The following UNC5D variants were observed in gnomAD, a reference collection of about 807,000 sequenced individuals.
UNC5D encodes the protein netrin receptor UNC5D.
A neutral mutation model predicts 105.4 loss-of-function variants in UNC5D; 39 were observed. The observed-to-expected ratio is 0.37, with a 90% CI of 0.29 to 0.48. The LOEUF is 0.48. UNC5D is among the 20% of genes least tolerant of loss of function. The pLI, the probability that UNC5D is intolerant of heterozygous loss-of-function variation, is 0.98. For synonymous variants in UNC5D, 452 were observed against 450.4 expected (o/e 1.00, Z -0.04); for missense variants, 991 against 1,202.4 (o/e 0.82, Z 2.60).
chr8:35,249,268 G>T (rs1390631546), intron 1 of UNC5D, among the ~76,000 whole-genome samples: 2 of 149,154 alleles, frequency 1.3e-5, no homozygotes, highest in African/African-American at 4.9e-5. Flanking sequence ...ACTTTTAAAA[G>T]CTTTGGTGGC....
intron 1 of UNC5D, among the ~76,000 whole-genome samples, chr8:35,421,640 A>T (rs1805909532): frequency 6.6e-6 from 1 of 151,356 alleles, no homozygotes; most frequent in Non-Finnish European, 1.5e-5. Flanking sequence ...GTATTTGTAT[A>T]GTTGTAAAAT....
intron 16 of UNC5D, among the ~76,000 whole-genome samples, chr8:35,789,137 CTATATATATATATATATATATATATA>C (rs58201859): frequency 0.036 from 1,164 of 32,476 alleles, 93 homozygotes; most frequent in African/African-American, 0.067. Flanking sequence ...GGAGAAAAGA[CTATATATATATATATATATATATATA>C]TATATATATA....
intron 1 of UNC5D, among the ~76,000 whole-genome samples, chr8:35,530,249 G>A (rs1586060167): frequency 7.0e-6 from 1 of 142,868 alleles, no homozygotes; most frequent in South Asian, 2.4e-4. Context: ...AGAGTTTTTA[G>A]CATGAAGGGT....
intron 1 of UNC5D, among the ~76,000 whole-genome samples, chr8:35,302,005 G>A (rs914405705): frequency 6.6e-6 from 1 of 152,138 alleles, no homozygotes; most frequent in Non-Finnish European, 1.5e-5. Flanking sequence ...GAGATGAATT[G>A]TGAAATTTGG....
chr8:35,614,400 A>G (rs575719874), intron 4 of UNC5D, among the ~76,000 whole-genome samples: 109 of 152,344 alleles, frequency 7.2e-4, no homozygotes, highest in African/African-American at 2.5e-3. Flanking sequence ...GTTCTGAAGC[A>G]GTGGGCCTCA....
chr8:35,746,334 T>A (rs1830005951), intron 11 of UNC5D, among the ~76,000 whole-genome samples: 1 of 152,108 alleles, frequency 6.6e-6, no homozygotes. Flanking sequence ...AGGTAGAAGG[T>A]AGCAGAAAAG....
At chr8:35,305,585 C>CTTTCTTTCTTTA (rs1808295127) in intron 1 of UNC5D, among the ~76,000 whole-genome samples, 4 of 95,226 alleles carry the variant, frequency 4.2e-5, no homozygotes, top group African/African-American at 2.0e-4. Flanking sequence ...CTTTTTCTTT[C>CTTTCTTTCTTTA]TTTCTTTCTT....
At chr8:35,503,858 G>T (rs776015792) in intron 1 of UNC5D, among the ~76,000 whole-genome samples, 3 of 152,162 alleles carry the variant, frequency 2.0e-5, no homozygotes, top group Non-Finnish European at 2.9e-5. Context: ...CAGTCAAAAA[G>T]AACATTAATT....
intron 1 of UNC5D, among the ~76,000 whole-genome samples, chr8:35,375,151 A>G (rs915119929): frequency 1.3e-5 from 2 of 152,166 alleles, no homozygotes; most frequent in Non-Finnish European, 2.9e-5. Context: ...AGCGGGGAAA[A>G]AATATTTACA....
chr8:35,415,962 G>T (rs1805504142), intron 1 of UNC5D, among the ~76,000 whole-genome samples: 1 of 152,126 alleles, frequency 6.6e-6, no homozygotes, highest in African/African-American at 2.4e-5. Flanking sequence ...TGAGCAAAGT[G>T]AAGTTTTGTT....
At chr8:35,381,052 AGAGT>A (rs1204917387) in intron 1 of UNC5D, among the ~76,000 whole-genome samples, 3 of 151,900 alleles carry the variant, frequency 2.0e-5, no homozygotes, top group African/African-American at 7.3e-5. Context: ...AAAGAGAGAG[AGAGT>A]AAGTGAGTGA....
At chr8:35,326,273 T>C (rs1463714836) in intron 1 of UNC5D, among the ~76,000 whole-genome samples, 1 of 152,126 alleles carries the variant, frequency 6.6e-6, no homozygotes, top group Non-Finnish European at 1.5e-5. Context: ...AATAAGACTG[T>C]AGCGAGCACC....
At chr8:35,581,672 G>T in intron 3 of UNC5D, among the ~76,000 whole-genome samples, 1 of 151,674 alleles carries the variant, frequency 6.6e-6, no homozygotes, top group Non-Finnish European at 1.5e-5. Context: ...TAAGCTGATG[G>T]GATTATTACA....
rs183195867 is a variant in UNC5D, at chr8:35,791,759, C to T, written c.*1196C>T. Reference sequence around the variant, plus strand: ...ATGCATCATTCAGGAAGCCTTCACCCTGTGACTATTCAGCCTCCCTGAATA... The same window carrying T: ...ATGCATCATTCAGGAAGCCTTCACCTTGTGACTATTCAGCCTCCCTGAATA... On this transcript the variant is annotated 3_prime_UTR_variant, in exon 17 of 17. Coordinates refer to ENST00000404895, the MANE Select transcript of UNC5D (RefSeq NM_080872.4). The T allele has an allele frequency of 2.0e-5, 3 of 152,276 alleles. No homozygotes were observed. The highest frequency in any genetic ancestry group is 6.5e-5 in the Admixed American group (1 of 15,288). The allele number at this position is 152,276 out of a possible 1,614,324, so 9.4% of individuals were successfully genotyped here.
chr8:35,662,427 G>C (rs2131237832), intron 4 of UNC5D, among the ~76,000 whole-genome samples: 2 of 152,184 alleles, frequency 1.3e-5, no homozygotes, highest in Admixed American at 1.3e-4. Flanking sequence ...ATGAGAAGGT[G>C]AACAACTGTG....
At chr8:35,687,237 A>T (rs1257960969) in intron 7 of UNC5D, among the ~76,000 whole-genome samples, 1 of 152,060 alleles carries the variant, frequency 6.6e-6, no homozygotes, top group Non-Finnish European at 1.5e-5. Flanking sequence ...AGGTCAGGAG[A>T]TCGAGACCAT....
chr8:35,338,401 G>A lies in UNC5D; in HGVS notation c.103+102514G>A, dbSNP rs555228612. Among the ~76,000 whole-genome samples the A allele has an allele frequency of 2.5e-4, 38 of 152,106 alleles. 1 individual carries two copies. Among genetic ancestry groups the A allele is most frequent in the African/African-American group, 8.4e-4 (35 of 41,484 alleles). On this transcript the variant is annotated intron_variant, in intron 1 of 16. Coordinates refer to ENST00000404895, the MANE Select transcript of UNC5D (RefSeq NM_080872.4). ...ATTTAAGCCAGTTTTGGTTTTTCTG[G>A]GGTGTGTGTGTGTGTAAAACAAGAG...
intron 1 of UNC5D, among the ~76,000 whole-genome samples, chr8:35,311,098 G>A (rs1428266156): frequency 6.6e-6 from 1 of 152,116 alleles, no homozygotes; most frequent in Non-Finnish European, 1.5e-5. Context: ...ACCTGAAACA[G>A]GTCTTGGAGC....
chr8:35,330,497 C>T (rs959960812), intron 1 of UNC5D, among the ~76,000 whole-genome samples: 12 of 152,298 alleles, frequency 7.9e-5, no homozygotes, highest in East Asian at 3.9e-4. Context: ...CTAGCTGATG[C>T]GCTACAGTTA....
Sources: allele counts gnomAD v4.1 joint callset (sites outside exome capture counted in the v4.1 genomes callset), GRCh38; gene constraint gnomAD v4.1.1; transcripts MANE v1.5; gene names NCBI Gene and HGNC (gene_info 2026-07-23, HGNC 2026-07-21).